EFHC2: variants seen among roughly 807,000 people sequenced by gnomAD.
The protein encoded by EFHC2 is EF-hand domain-containing family member C2.
Under a neutral mutation model 52.7 loss-of-function variants are expected in EFHC2, and 18 were observed. The observed-to-expected ratio is 0.34, with a 90% confidence interval of 0.24 to 0.51. EFHC2 has a LOEUF of 0.51. Among genes scored for constraint, EFHC2 ranks in the 20% least tolerant of loss-of-function variants. EFHC2 has a pLI of 0.97. For synonymous variants in EFHC2, 203 were observed against 204.1 expected (o/e 0.99, Z 0.04); for missense variants, 513 against 562.5 (o/e 0.91, Z 0.89).
intron 1 of EFHC2, among the ~76,000 whole-genome samples, chrX:44,331,349 C>T (rs1306738986): frequency 1.8e-5 from 2 of 111,729 alleles, no homozygotes; most frequent in African/African-American, 6.5e-5. Context: ...AAAACAGATT[C>T]GTTGTTGCCA....
intron 1 of EFHC2, among the ~76,000 whole-genome samples, chrX:44,324,113 T>A (rs2038038478): frequency 9.0e-6 from 1 of 110,990 alleles, no homozygotes; most frequent in African/African-American, 3.3e-5. Flanking sequence ...ACCTCCCCAA[T>A]TGCTCCCATA....
intron 1 of EFHC2, among the ~76,000 whole-genome samples, chrX:44,313,899 G>A (rs1389911154): frequency 9.0e-6 from 1 of 111,309 alleles, no homozygotes; most frequent in African/African-American, 3.3e-5. Context: ...AGGTTGCAGT[G>A]AGCCGAAATC....
chrX:44,317,707 G>A (rs1034836388), intron 1 of EFHC2, among the ~76,000 whole-genome samples: 9 of 113,126 alleles, frequency 8.0e-5, no homozygotes, highest in African/African-American at 1.6e-4. Flanking sequence ...GAGCGCTTGC[G>A]CTCACGAGGC....
At chrX:44,253,189 G>A (rs2037464977) in intron 4 of EFHC2, among the ~76,000 whole-genome samples, 1 of 110,615 alleles carries the variant, frequency 9.0e-6, no homozygotes, top group Non-Finnish European at 1.9e-5. Flanking sequence ...TAGGTTTCAA[G>A]CACAAAACTG....
At chrX:44,184,495 G>A (rs1602139740) in intron 11 of EFHC2, among the ~76,000 whole-genome samples, 1 of 111,226 alleles carries the variant, frequency 9.0e-6, no homozygotes, top group Non-Finnish European at 1.9e-5. Context: ...GGCTGAGGCC[G>A]GCAGATCACC....
At chrX:44,304,525 C>T (rs1167795610) in intron 2 of EFHC2, among the ~76,000 whole-genome samples, 1 of 111,642 alleles carries the variant, frequency 9.0e-6, no homozygotes, top group African/African-American at 3.3e-5. Context: ...TTGCTTCCTA[C>T]TCATGGAGGT....
chrX:44,200,821 A>G (rs761618679), intron 11 of EFHC2, among the ~76,000 whole-genome samples: 3 of 112,135 alleles, frequency 2.7e-5, no homozygotes, highest in Non-Finnish European at 5.6e-5. Context: ...AAACAAAGAA[A>G]GACAGCCAGA....
chrX:44,234,730 T>C (rs762527200), intron 9 of EFHC2, among the ~76,000 whole-genome samples: 3 of 111,951 alleles, frequency 2.7e-5, no homozygotes, highest in Non-Finnish European at 5.6e-5. Context: ...AGTGCCATGA[T>C]TGGGCAAGTC....
chrX:44,261,161 T>C lies in EFHC2; in HGVS notation c.520A>G (p.Thr174Ala). The C allele has an allele frequency of 8.3e-7, 1 of 1,211,511 alleles. No individual in the cohort carries two copies. Among genetic ancestry groups the C allele is most frequent in the Non-Finnish European group, 1.1e-6 (1 of 895,201 alleles). The change falls in exon 4 of 15, where the codon ACA becomes GCA. Residue 174 changes from threonine (T) to alanine (A), a missense_variant. Physicochemically the swap from Thr to Ala is moderately conservative, Grantham distance 58. Coordinates refer to ENST00000420999, the MANE Select transcript of EFHC2 (RefSeq NM_025184.4). ...CCTATTTTCCTCAAAAAGTTTCTTG[T>C]GAATGCATCACAGTCATAAATCTTG... ...TFKIYDCDAF[T>A]RNFLRKIGVK...
chrX:44,308,841 CAGG>C (rs1167364222), intron 2 of EFHC2, among the ~76,000 whole-genome samples: 1 of 112,813 alleles, frequency 8.9e-6, no homozygotes, highest in Non-Finnish European at 1.9e-5. Context: ...CATTAGTGGT[CAGG>C]AGAATGCTTT....
At chrX:44,159,909 A>G (rs1333289296) in intron 14 of EFHC2, among the ~76,000 whole-genome samples, 1 of 112,862 alleles carries the variant, frequency 8.9e-6, no homozygotes, top group African/African-American at 3.2e-5. Context: ...AGCCCTTACT[A>G]TGGGAGAGGT....
chrX:44,245,804 CCTT>C (rs2055879813), intron 7 of EFHC2, among the ~76,000 whole-genome samples: 1 of 111,914 alleles, frequency 8.9e-6, no homozygotes, highest in Admixed American at 9.5e-5. Flanking sequence ...GTGGCCAACT[CCTT>C]CTCTTTGTCT....
At chrX:44,225,146 T>C (rs1390984326) in intron 11 of EFHC2, among the ~76,000 whole-genome samples, 1 of 109,405 alleles carries the variant, frequency 9.1e-6, no homozygotes, top group Non-Finnish European at 1.9e-5. Flanking sequence ...GCGAATCTGA[T>C]AGACCATGCC....
At chrX:44,215,858 GCACACA>G (rs1028796174) in intron 11 of EFHC2, among the ~76,000 whole-genome samples, 1 of 109,445 alleles carries the variant, frequency 9.1e-6, no homozygotes, top group Admixed American at 9.7e-5. Context: ...ATCTTGACGT[GCACACA>G]CACACACACA....
chrX:44,155,372 C>T (rs2036599397), intron 14 of EFHC2, among the ~76,000 whole-genome samples: 1 of 112,234 alleles, frequency 8.9e-6, no homozygotes, highest in Admixed American at 9.5e-5. Flanking sequence ...ACCCAGTAAA[C>T]AGCAGCTGCC....
intron 11 of EFHC2, among the ~76,000 whole-genome samples, chrX:44,225,123 G>A (rs5953353): frequency 0.3 from 33,103 of 109,625 alleles, 3,978 homozygotes; most frequent in African/African-American, 0.42. Flanking sequence ...ATAACGATCA[G>A]CAGCTCTCAC....
intron 13 of EFHC2, 84 bp downstream of exon 13, chrX:44,176,208 T>C (rs959053664): frequency 1.3e-6 from 1 of 749,326 alleles, no homozygotes; most frequent in Non-Finnish European, 2.0e-6. Flanking sequence ...TCAAGGGTAA[T>C]TAAAGGGAGA....
At chrX:44,171,502 C>A (rs1052197795) in intron 13 of EFHC2, among the ~76,000 whole-genome samples, 1 of 111,499 alleles carries the variant, frequency 9.0e-6, no homozygotes, top group East Asian at 2.8e-4. Flanking sequence ...CATTACCCAA[C>A]GAACCCAGGG....
chrX:44,199,003 T>C (rs926324076), intron 11 of EFHC2, among the ~76,000 whole-genome samples: 16 of 111,931 alleles, frequency 1.4e-4, no homozygotes, highest in Non-Finnish European at 3.0e-4. Context: ...GAATTTGGAG[T>C]ATAAATTTAT....
Sources: allele counts gnomAD v4.1 joint callset (sites outside exome capture counted in the v4.1 genomes callset), GRCh38; gene constraint gnomAD v4.1.1; transcripts MANE v1.5; gene names NCBI Gene and HGNC (gene_info 2026-07-23, HGNC 2026-07-21).